The following PFKL variants were observed in gnomAD, a reference collection of about 807,000 sequenced individuals.
The protein encoded by PFKL is phosphofructokinase, liver type, also known as ATP-dependent 6-phosphofructokinase, liver type.
PFKL carries 74 observed loss-of-function variants against 92.1 expected under a neutral mutation model. That is an observed-to-expected ratio of 0.80 (90% CI 0.67 to 0.97). The LOEUF (loss-of-function observed/expected upper bound fraction) is 0.97. PFKL is among the 50% of genes least tolerant of loss of function. The pLI is 0.00. For missense variants in PFKL, 1,028 were observed against 1,116.6 expected, an observed-to-expected ratio of 0.92 and a Z score of 1.13; for synonymous variants, 494 against 456.4, an observed-to-expected ratio of 1.08 and a Z score of -1.05.
At chr21:44,302,337 C>T in intron 1 of PFKL, among the ~76,000 whole-genome samples, 1 of 152,252 alleles carries the variant, frequency 6.6e-6, no homozygotes, top group East Asian at 1.9e-4. Flanking sequence ...CACACACTTC[C>T]CCAGTTCAGG....
chr21:44,305,173 A>G (rs55828838), intron 1 of PFKL: 383,692 of 1,136,218 alleles, frequency 0.34, 67,032 homozygotes, highest in East Asian at 0.59. Flanking sequence ...CTGGGATCTC[A>G]TTGGATTCCT....
intron 1 of PFKL, among the ~76,000 whole-genome samples, chr21:44,300,443 G>T (rs2040738899): frequency 6.6e-6 from 1 of 152,148 alleles, no homozygotes; most frequent in South Asian, 2.1e-4. Flanking sequence ...CTGCCCCGGG[G>T]GTGTGTCCGA....
intron 9 of PFKL, among the ~76,000 whole-genome samples, chr21:44,317,986 C>T (rs1236061882): frequency 6.6e-6 from 1 of 152,254 alleles, no homozygotes; most frequent in East Asian, 1.9e-4. Context: ...TCCACTGTGG[C>T]CGGTTCCCGG....
At chr21:44,307,175 C>T (rs2040975000) in intron 2 of PFKL, 3 of 639,772 alleles carry the variant, frequency 4.7e-6, no homozygotes, top group Non-Finnish European at 5.8e-6. Context: ...CCTTGTCCTC[C>T]CCAGCCTCCT....
rs111498206 is a variant in PFKL, at chr21:44,306,616, T to TGGGG, written c.86-64_86-61dup. 5.8e-3 allele frequency: 8,030 copies of TGGGG among 1,392,756 alleles called. 31 individuals are homozygous for TGGGG. The highest frequency in any genetic ancestry group is 0.014 in the African/African-American group (953 of 70,524). 86.3% of individuals were successfully genotyped at this position (1,392,756 alleles called of 1,614,324 possible). ...CTCCCCTACCCCCTGTCCTCTGAGA[T>TGGGG]GGGGAGGGTGTCCAGGGCCTTGCTT... On this transcript the variant is annotated intron_variant, in intron 1 of 21. Coordinates refer to ENST00000349048, the MANE Select transcript of PFKL (RefSeq NM_002626.6).
At chr21:44,305,198 G>T in intron 1 of PFKL, 2 of 1,219,012 alleles carry the variant, frequency 1.6e-6, no homozygotes, top group South Asian at 1.4e-5. Flanking sequence ...TGTGGGGATG[G>T]TGGCAGATAC....
intron 12 of PFKL, 41 bp downstream of exon 12, chr21:44,320,188 C>T (rs1233833075): frequency 1.9e-6 from 3 of 1,564,674 alleles, no homozygotes; most frequent in African/African-American, 1.4e-5. Context: ...GGAACGGGCT[C>T]AGTTATTCTG....
chr21:44,321,583 C>T, intron 12 of PFKL, 146 bp from the exon 13 acceptor site: 1 of 664,334 alleles, frequency 1.5e-6, no homozygotes, highest in Non-Finnish European at 2.3e-6. Flanking sequence ...ATTCCCAGGG[C>T]AGTTGGGCGG....
rs1005963424 is a variant in PFKL at position 44,324,773 on chromosome 21, C to T, written c.1816-83C>T. 1.9e-6 allele frequency: 3 copies of T among 1,576,660 alleles called. No homozygotes were observed. In the African/African-American group the frequency reaches 4.0e-5, roughly 21 times the overall value. On this transcript the variant is annotated intron_variant, in intron 17 of 21. Coordinates refer to ENST00000349048, the MANE Select transcript of PFKL (RefSeq NM_002626.6). Reference sequence around the variant, plus strand: ...GGCAGGTGGGACGCGTAGCCCAGTGCTCCTGCTGGCCCCGGATCGCCGGTC... The same window carrying T: ...GGCAGGTGGGACGCGTAGCCCAGTGTTCCTGCTGGCCCCGGATCGCCGGTC...
At chr21:44,326,360 CCT>C in intron 21 of PFKL, 96 bp downstream of exon 21, 1 of 934,970 alleles carries the variant, frequency 1.1e-6, no homozygotes, top group Non-Finnish European at 1.6e-6. Context: ...CCACTGGCAC[CCT>C]GACCCCGCAA....
rs1389185041 is a variant in PFKL, at chr21:44,326,965, G to C, written c.*103G>C. 2 of 1,095,650 alleles carry C rather than the reference G, an allele frequency of 1.8e-6. No individual in the cohort carries two copies. Among genetic ancestry groups the C allele is most frequent in the Non-Finnish European group, 2.7e-6 (2 of 750,490 alleles). 67.9% of individuals were successfully genotyped at this position (1,095,650 alleles called of 1,614,324 possible). On this transcript the variant is annotated 3_prime_UTR_variant, in exon 22 of 22. Coordinates refer to ENST00000349048, the MANE Select transcript of PFKL (RefSeq NM_002626.6). ...TTGTGTCTGGAGCCTGCAGGCAGGT[G>C]GGGGCTGCGTCCCTGCTCAGCCCAT... is the stretch of plus-strand genomic sequence containing the variant.
rs375292095 is a variant in PFKL, at chr21:44,316,529, G to A, written c.936+5G>A. On this transcript the variant is annotated splice_donor_5th_base_variant and intron_variant, in intron 9 of 21. Transcript: ENST00000349048. ...TCTGCCTTCGACCGGATCCTGGTAA[G>A]TGGCCATCACCCTGCCCTGCGTACG... is the stretch of plus-strand genomic sequence containing the variant. The A allele has an allele frequency of 3.8e-6, 6 of 1,587,812 alleles. No individual in the cohort carries two copies. The African/African-American group carries it at 5.4e-5, about 14-fold the overall frequency.
chr21:44,326,187 G>C lies in PFKL; in HGVS notation c.2118G>C (p.Ser706=). The C allele has an allele frequency of 6.2e-7, 1 of 1,613,010 alleles. No homozygotes were observed. The highest frequency in any genetic ancestry group is 8.5e-7 in the Non-Finnish European group (1 of 1,179,788). The part of the protein sequence containing the change: ...KGRVFANAPD[S]ACVIGLKKKA... ...GGGTGTTCGCCAATGCCCCAGACTC[G>C]GCCTGCGTGATCGGCCTGAAGAAGA... The change falls in exon 21 of 22, where the codon TCG becomes TCC. Residue 706 remains serine (S), a synonymous_variant. Coordinates refer to ENST00000349048, the MANE Select transcript of PFKL (RefSeq NM_002626.6).
At chr21:44,324,226 C>T (rs760978858) in intron 16 of PFKL, among the ~76,000 whole-genome samples, 3 of 152,068 alleles carry the variant, frequency 2.0e-5, no homozygotes, top group South Asian at 2.1e-4. Flanking sequence ...CCAAGGGTGC[C>T]AGGGACACCC....
In PFKL at chr21:44,312,164, G is replaced by A; in HGVS notation, c.297G>A (p.Arg99=). The A allele has an allele frequency of 6.3e-7, 1 of 1,596,260 alleles. No homozygotes were observed. The highest frequency in any genetic ancestry group is 8.5e-7 in the Non-Finnish European group (1 of 1,171,914). ...CKAFTTREGR[R]AAAYNLVQHG... The stretch of plus-strand genomic sequence containing the variant: ...CCTTTACCACCAGGGAGGGGCGCCG[G>A]GCAGCGGCCTACAACCTGGTCCAGC... The change falls in exon 4 of 22, where the codon CGG becomes CGA. Residue 99 remains arginine, a synonymous_variant. Transcript: ENST00000349048.
In PFKL at chr21:44,327,322, C is replaced by A. The variant is rs2146040347; in HGVS notation, c.*460C>A. 1 of 179,904 alleles carries A rather than the reference C, an allele frequency of 5.6e-6. No individual in the cohort carries two copies. 11.1% of individuals were successfully genotyped at this position (179,904 alleles called of 1,614,324 possible). ...CCTGCCCACGTGCAGCACCTGTCACCTTTTCTAGAAATAAAATCACCCTGA... is the reference window on the plus strand; with the variant it reads ...CCTGCCCACGTGCAGCACCTGTCACATTTTCTAGAAATAAAATCACCCTGA... On this transcript the variant is annotated 3_prime_UTR_variant, in exon 22 of 22. Transcript: ENST00000349048.
At chr21:44,304,545 C>T in intron 1 of PFKL, 2 of 1,137,176 alleles carry the variant, frequency 1.8e-6, no homozygotes, top group Non-Finnish European at 2.2e-6. Flanking sequence ...CTGAGTGGAT[C>T]TCCCTCACTG....
rs767741121 is a variant in PFKL, at chr21:44,312,275, G to T, written c.408G>T (p.Leu136=). Residue 136 remains leucine, a synonymous_variant, in exon 4 of 22, where the codon CTG becomes CTT. Coordinates refer to ENST00000349048, the MANE Select transcript of PFKL (RefSeq NM_002626.6). Reference sequence around the variant, plus strand: ...TCCGCAGCGAGTGGGGCAGCCTGCTGGAGGAGCTGGTGGCGGAAGGTGGGT... The same window carrying T: ...TCCGCAGCGAGTGGGGCAGCCTGCTTGAGGAGCTGGTGGCGGAAGGTGGGT... The part of the protein sequence containing the change: ...NIFRSEWGSL[L]EELVAEGKIS... 1 of 1,593,892 alleles carries T rather than the reference G, an allele frequency of 6.3e-7. No homozygotes were observed. Among genetic ancestry groups the T allele is most frequent in the Non-Finnish European group, 8.5e-7 (1 of 1,172,072 alleles).
chr21:44,311,366 A>G (rs1241280833), intron 3 of PFKL, among the ~76,000 whole-genome samples: 1 of 152,074 alleles, frequency 6.6e-6, no homozygotes, highest in Non-Finnish European at 1.5e-5. Flanking sequence ...GTGCACACAG[A>G]CACACAGACG....
Sources: gnomAD v4.1 joint callset for allele counts (sites outside exome capture counted in the v4.1 genomes callset) on GRCh38, gnomAD v4.1.1 for gene constraint, MANE v1.5 for transcripts, NCBI Gene and HGNC (gene_info 2026-07-23, HGNC 2026-07-21) for gene names.